The following CSGALNACT1 variants were observed in gnomAD, a reference collection of about 807,000 sequenced individuals.
CSGALNACT1 encodes beta4GalNAcT-1.
A neutral mutation model predicts 51.0 loss-of-function variants in CSGALNACT1; 52 were observed. The observed-to-expected ratio is 1.02, with a 90% CI of 0.82 to 1.29. The LOEUF is 1.29. Among genes scored for constraint, CSGALNACT1 ranks in the 50% most tolerant of loss-of-function variants. The probability of loss-of-function intolerance (pLI) is 0.00; values close to 1 mark genes in which losing one functional copy is unlikely to be tolerated. For synonymous variants in CSGALNACT1, 341 were observed against 254.4 expected, an observed-to-expected ratio of 1.34 and a Z score of -3.24; for missense variants, 935 against 679.2, an observed-to-expected ratio of 1.38 and a Z score of -4.19.
chr8:19,665,743 C>T (rs1053765030), intron 1 of CSGALNACT1, among the ~76,000 whole-genome samples: 2 of 152,174 alleles, frequency 1.3e-5, no homozygotes, highest in African/African-American at 4.8e-5. Flanking sequence ...TCAATTTTCC[C>T]CATTCCTCTC....
At chr8:19,491,608 G>C (rs1230437898) in intron 4 of CSGALNACT1, among the ~76,000 whole-genome samples, 1 of 152,144 alleles carries the variant, frequency 6.6e-6, no homozygotes, top group Non-Finnish European at 1.5e-5. Context: ...TTGTATATCA[G>C]ATATCTGTAT....
chr8:19,683,893 T>C (rs2060810433), upstream of CSGALNACT1, among the ~76,000 whole-genome samples: 1 of 151,262 alleles, frequency 6.6e-6, no homozygotes, highest in Admixed American at 6.6e-5. Context: ...AGGCCAGGAG[T>C]GGTGGCTCAT....
At chr8:19,501,720 G>A (rs1430857560) in intron 4 of CSGALNACT1, among the ~76,000 whole-genome samples, 1 of 152,140 alleles carries the variant, frequency 6.6e-6, no homozygotes, top group Non-Finnish European at 1.5e-5. Context: ...TATGTCCAAG[G>A]GATCTATTTA....
intron 3 of CSGALNACT1, among the ~76,000 whole-genome samples, chr8:19,539,931 G>T (rs760079044): frequency 6.6e-6 from 1 of 152,208 alleles, no homozygotes; most frequent in African/African-American, 2.4e-5. Flanking sequence ...CCTGAGAGGA[G>T]TTGGGGTGAG....
At chr8:19,616,129 A>C (rs2052973500) in intron 1 of CSGALNACT1, among the ~76,000 whole-genome samples, 1 of 152,236 alleles carries the variant, frequency 6.6e-6, no homozygotes, top group African/African-American at 2.4e-5. Context: ...TAGGCAAAAG[A>C]GGAAAGGCAC....
chr8:19,597,219 T>C (rs913207795), intron 2 of CSGALNACT1, among the ~76,000 whole-genome samples: 2 of 151,794 alleles, frequency 1.3e-5, no homozygotes, highest in East Asian at 1.9e-4. Context: ...TGGATATACA[T>C]ACTGCATTTC....
chr8:19,553,636 TATAAAA>T (rs371747161), intron 3 of CSGALNACT1, among the ~76,000 whole-genome samples: 4 of 141,092 alleles, frequency 2.8e-5, no homozygotes, highest in African/African-American at 8.1e-5. Context: ...TATATATATA[TATAAAA>T]AAATATGTCA....
chr8:19,596,525 A>G (rs376840905), intron 2 of CSGALNACT1, among the ~76,000 whole-genome samples: 1 of 152,138 alleles, frequency 6.6e-6, no homozygotes, highest in African/African-American at 2.4e-5. Flanking sequence ...TTTGCTGAAG[A>G]AAAACAAGTG....
chr8:19,711,210 T>C (rs941233965), intron 1 of CSGALNACT1, among the ~76,000 whole-genome samples: 3 of 152,192 alleles, frequency 2.0e-5, no homozygotes, highest in Admixed American at 6.5e-5. Flanking sequence ...TCAACAGTGA[T>C]AGTCGAGTTG....
intron 1 of CSGALNACT1, among the ~76,000 whole-genome samples, chr8:19,730,070 T>A (rs746917347): frequency 3.3e-5 from 5 of 152,168 alleles, no homozygotes; most frequent in African/African-American, 7.2e-5. Flanking sequence ...TTTACAATCT[T>A]ACTGATAGCG....
chr8:19,553,897 C>T (rs977611177), intron 3 of CSGALNACT1, among the ~76,000 whole-genome samples: 4 of 121,828 alleles, frequency 3.3e-5, no homozygotes, highest in African/African-American at 1.4e-4. Flanking sequence ...AGAAAGAACT[C>T]GTAGAACACA....
chr8:19,474,964 T>A (rs550302027), intron 4 of CSGALNACT1, among the ~76,000 whole-genome samples: 1 of 151,668 alleles, frequency 6.6e-6, no homozygotes, highest in East Asian at 1.9e-4. Context: ...TAGACCTTGC[T>A]ATGGAAAGGG....
At chr8:19,592,948 G>C (rs2048146278) in intron 2 of CSGALNACT1, among the ~76,000 whole-genome samples, 1 of 152,026 alleles carries the variant, frequency 6.6e-6, no homozygotes, top group African/African-American at 2.4e-5. Context: ...GGTTTAACAG[G>C]GTATTAAATG....
chr8:19,714,819 G>A (rs1195987001), intron 1 of CSGALNACT1, among the ~76,000 whole-genome samples: 1 of 151,636 alleles, frequency 6.6e-6, no homozygotes, highest in Non-Finnish European at 1.5e-5. Context: ...TGTTATATGG[G>A]TAAATTGCAT....
chr8:19,714,057 C>A (rs1054589692), intron 1 of CSGALNACT1, among the ~76,000 whole-genome samples: 1 of 152,210 alleles, frequency 6.6e-6, no homozygotes, highest in Non-Finnish European at 1.5e-5. Context: ...TCCAGCTTCA[C>A]CCTTCTTCTT....
chr8:19,751,693 G>A (rs186933367), intron 1 of CSGALNACT1, among the ~76,000 whole-genome samples: 158 of 152,208 alleles, frequency 1.0e-3, no homozygotes, highest in African/African-American at 3.6e-3. Flanking sequence ...GAATCATAGC[G>A]GCAGACTTCC....
chr8:19,476,090 G>A (rs1222438745), intron 4 of CSGALNACT1, among the ~76,000 whole-genome samples: 2 of 152,128 alleles, frequency 1.3e-5, no homozygotes, highest in African/African-American at 4.8e-5. Context: ...TATGACTGAG[G>A]TTGTACCTCT....
intron 3 of CSGALNACT1, among the ~76,000 whole-genome samples, chr8:19,518,847 C>T (rs1417035735): frequency 6.6e-6 from 1 of 152,180 alleles, no homozygotes; most frequent in Non-Finnish European, 1.5e-5. Context: ...AGGTGTGAAT[C>T]ACCACACTCT....
At chr8:19,662,847 C>T (rs563184789) in intron 1 of CSGALNACT1, among the ~76,000 whole-genome samples, 6 of 152,202 alleles carry the variant, frequency 3.9e-5, no homozygotes, top group African/African-American at 1.4e-4. Flanking sequence ...GTCCTATTCT[C>T]CCCCCATTCA....
Sources: gnomAD v4.1 joint callset for allele counts (sites outside exome capture counted in the v4.1 genomes callset) on GRCh38, gnomAD v4.1.1 for gene constraint, MANE v1.5 for transcripts, NCBI Gene and HGNC (gene_info 2026-07-23, HGNC 2026-07-21) for gene names.